Variants in PCDHGB3 observed in about 807,000 individuals in gnomAD.
PCDHGB3 encodes protocadherin gamma-B3.
PCDHGB3 carries 40 observed loss-of-function variants against 59.2 expected under a neutral mutation model. The ratio of observed to expected loss-of-function variants is 0.68; its 90% CI spans 0.52 to 0.88. PCDHGB3 has a LOEUF of 0.88. PCDHGB3 is among the 40% of genes least tolerant of loss of function. PCDHGB3 has a pLI of 0.00. For missense variants in PCDHGB3, 1,309 were observed against 1,187.9 expected, an observed-to-expected ratio of 1.10 and a Z score of -1.50; for synonymous variants, 581 against 503.6, an observed-to-expected ratio of 1.15 and a Z score of -2.06.
At chr5:141,404,238 C>T (rs764561008) in intron 1 of PCDHGB3, 3 of 1,613,712 alleles carry the variant, frequency 1.9e-6, no homozygotes, top group Non-Finnish European at 2.5e-6. Context: ...GACAGAGGAA[C>T]TCCGCCCCTG....
At chr5:141,412,264 CT>C (rs765219351) in intron 1 of PCDHGB3, 4 of 152,206 alleles carry the variant, frequency 2.6e-5, no homozygotes, top group Non-Finnish European at 4.4e-5. Context: ...TTTTCTAAAA[CT>C]TTTAGTACTT....
At position 141,489,378 on chromosome 5, in the gene PCDHGB3, G is replaced by A. The variant is rs1562129701; in HGVS notation, c.2416-5429G>A. ...AGTCTGAGCCGGGGACGCTGGTGGGGAATGTTGCTCAGGATCTGGGCTTAA... is the reference window on the plus strand; with the variant it reads ...AGTCTGAGCCGGGGACGCTGGTGGGAAATGTTGCTCAGGATCTGGGCTTAA... On this transcript the variant is annotated intron_variant, in intron 1 of 3. Coordinates refer to ENST00000576222, the MANE Select transcript of PCDHGB3 (RefSeq NM_018924.5). The surrounding 1 kb of genome is among the most constrained non-coding windows in gnomAD (Gnocchi z 4.5). 1.2e-6 allele frequency: 2 copies of A among 1,613,908 alleles called. No homozygotes were observed. The highest frequency in any genetic ancestry group is 3.3e-5 in the Admixed American group (2 of 60,026).
intron 2 of PCDHGB3, among the ~76,000 whole-genome samples, chr5:141,497,642 C>T (rs1426920174): frequency 1.3e-5 from 2 of 151,352 alleles, no homozygotes; most frequent in Middle Eastern, 3.4e-3. Context: ...CAGGTTCAAG[C>T]GATTCTCCTG....
chr5:141,394,821 G>C (rs2093106496), intron 1 of PCDHGB3: 4 of 1,613,862 alleles, frequency 2.5e-6, no homozygotes, highest in Middle Eastern at 1.6e-4. Flanking sequence ...CAGCATCCCC[G>C]AAGTCCTGAC....
intron 1 of PCDHGB3, chr5:141,419,308 C>G: frequency 6.2e-7 from 1 of 1,614,026 alleles, no homozygotes; most frequent in Non-Finnish European, 8.5e-7. Flanking sequence ...ACTTCGGGCT[C>G]AACGGCCGTG....
intron 1 of PCDHGB3, among the ~76,000 whole-genome samples, chr5:141,444,703 T>A (rs963617867): frequency 6.6e-6 from 1 of 152,248 alleles, no homozygotes; most frequent in Non-Finnish European, 1.5e-5. Context: ...TTCCTCTTTC[T>A]GTTGAATTTG....
intron 1 of PCDHGB3, chr5:141,421,800 G>A: frequency 6.2e-7 from 1 of 1,613,846 alleles, no homozygotes; most frequent in Non-Finnish European, 8.5e-7. Context: ...ATGGGGCCAA[G>A]AATCCAGAGC....
At chr5:141,413,796 G>A in intron 1 of PCDHGB3, 2 of 1,613,190 alleles carry the variant, frequency 1.2e-6, no homozygotes, top group Non-Finnish European at 1.7e-6. Flanking sequence ...TAGATCGCGA[G>A]GAAGAGGCCA....
chr5:141,400,163 A>G, intron 1 of PCDHGB3: 1 of 1,613,830 alleles, frequency 6.2e-7, no homozygotes, highest in Non-Finnish European at 8.5e-7. Flanking sequence ...GTACCCTCTG[A>G]CCCCCAGGCT....
Position 141,372,016 on chromosome 5 carries a change from CGCTCAGCGCCAACGTGA to C in PCDHGB3, c.1625_1641del (p.Leu542ProfsTer78), listed in dbSNP as rs1768310600. On this transcript the variant is annotated frameshift_variant, in exon 1 of 4. Transcript: ENST00000576222. LOFTEE classifies it high-confidence loss of function. The stretch of plus-strand genomic sequence containing the variant: ...CAGGCCCGCGACCAGGGCTCGCCTA[CGCTCAGCGCCAACGTGA>C]GCCTGCGCGTGTTGGTGGACGACCG... 6.2e-7 allele frequency: 1 copy of C among 1,613,256 alleles called. No homozygotes were observed. Among genetic ancestry groups the C allele is most frequent in the Non-Finnish European group, 8.5e-7 (1 of 1,179,774 alleles).
rs548263490 is a variant in PCDHGB3, at chr5:141,390,417, A to G, written c.2415+17608A>G. On this transcript the variant is annotated intron_variant, in intron 1 of 3. Transcript: ENST00000576222. ...CATTTTAGGAAAGTTGTAGTCAGTT[A>G]AAAAGCTGTCATATCATTCTACAAA... 4 of 1,127,796 alleles carry G rather than the reference A, an allele frequency of 3.5e-6. No homozygotes were observed. The South Asian group carries it at 4.8e-5, about 13-fold the overall frequency. 69.9% of individuals were successfully genotyped at this position (1,127,796 alleles called of 1,614,324 possible). A position where few individuals can be genotyped will look rare whatever the true frequency, so the allele number is the denominator to read the frequency against.
chr5:141,380,470 G>A (rs755352560), intron 1 of PCDHGB3, among the ~76,000 whole-genome samples: 27 of 152,140 alleles, frequency 1.8e-4, no homozygotes, highest in Non-Finnish European at 3.4e-4. Flanking sequence ...AAATGGTCAG[G>A]ATTCTTCCCA....
Position 141,487,302 on chromosome 5 carries a change from C to T in PCDHGB3, c.2416-7505C>T, listed in dbSNP as rs763268817. 3.7e-6 allele frequency: 6 copies of T among 1,614,154 alleles called. No homozygotes were observed. The highest frequency in any genetic ancestry group is 3.4e-6 in the Non-Finnish European group (4 of 1,180,002). On this transcript the variant is annotated intron_variant, in intron 1 of 3. Transcript: ENST00000576222. This position sits in a 1 kb window ranked among gnomAD's most constrained non-coding sequence, Gnocchi z 5.0. ...TTTGTCTCCTTTGGCTCATTCGTGGCACTACTCTCTAAGTGTCTTCGTGGG... is the reference window on the plus strand; with the variant it reads ...TTTGTCTCCTTTGGCTCATTCGTGGTACTACTCTCTAAGTGTCTTCGTGGG...
intron 1 of PCDHGB3, among the ~76,000 whole-genome samples, chr5:141,483,709 G>A (rs1486825412): frequency 1.3e-5 from 2 of 152,036 alleles, no homozygotes; most frequent in Non-Finnish European, 2.9e-5. Flanking sequence ...TTTGACACCA[G>A]AATATTGGTT....
rs767400679 is a variant in PCDHGB3, at chr5:141,476,863, C to T, written c.2416-17944C>T. 2.2e-5 allele frequency: 35 copies of T among 1,613,740 alleles called. No individual in the cohort carries two copies. Among genetic ancestry groups the T allele is most frequent in the Non-Finnish European group, 2.8e-5 (33 of 1,180,062 alleles). On this transcript the variant is annotated intron_variant, in intron 1 of 3. Coordinates refer to ENST00000576222, the MANE Select transcript of PCDHGB3 (RefSeq NM_018924.5). The surrounding 1 kb of genome is among the most constrained non-coding windows in gnomAD (Gnocchi z 7.6). ...CGCCTGTCTTCAACCAGTCCTTGTA[C>T]CGGGCGCGCGTCCTGGAGGATGCAC...
chr5:141,408,197 C>A (rs2095057098), intron 1 of PCDHGB3: 5 of 1,546,080 alleles, frequency 3.2e-6, no homozygotes, highest in Non-Finnish European at 4.4e-6. Context: ...AGAACCCGAG[C>A]GAACGATGGG....
rs531773756 is a variant in PCDHGB3 at position 141,417,037 on chromosome 5, TTA to T, written c.2415+44229_2415+44230del. On this transcript the variant is annotated intron_variant, in intron 1 of 3. Coordinates refer to ENST00000576222, the MANE Select transcript of PCDHGB3 (RefSeq NM_018924.5). ...ATTTTGAAAAATACAGGTTTTTTTT[TTA>T]AAAAAAACTGCTCTTGACATTGTAG... 5.9e-5 allele frequency: 9 copies of T among 151,574 alleles called. 1 individual carries two copies. Among genetic ancestry groups the T allele is most frequent in the Admixed American group, 2.0e-4 (3 of 15,204 alleles). The allele number at this position is 151,574 out of a possible 1,614,324, so 9.4% of individuals were successfully genotyped here.
intron 1 of PCDHGB3, chr5:141,419,693 A>G (rs1241615790): frequency 6.2e-7 from 1 of 1,612,884 alleles, no homozygotes; most frequent in Non-Finnish European, 8.5e-7. Flanking sequence ...GGTGCAGGCC[A>G]GTGAGCCCGG....
intron 1 of PCDHGB3, among the ~76,000 whole-genome samples, chr5:141,467,109 A>G (rs1431550069): frequency 2.0e-5 from 3 of 150,594 alleles, no homozygotes; most frequent in African/African-American, 4.9e-5. Context: ...CTGGAGTACA[A>G]TGGTGCAATC....
Sources: allele counts gnomAD v4.1 joint callset (sites outside exome capture counted in the v4.1 genomes callset), GRCh38; gene constraint gnomAD v4.1.1; non-coding constraint Gnocchi (gnomAD v3.1); transcripts MANE v1.5; gene names NCBI Gene and HGNC (gene_info 2026-07-23, HGNC 2026-07-21).